HDX: variants seen among roughly 807,000 people sequenced by gnomAD.
HDX encodes highly divergent homeobox.
Under a neutral mutation model 45.2 loss-of-function variants are expected in HDX, and 19 were observed. The observed-to-expected ratio is 0.42, with a 90% CI of 0.29 to 0.62. The LOEUF (loss-of-function observed/expected upper bound fraction) is 0.62, where lower values mean the gene tolerates loss of function less well. HDX is among the 20% of genes least tolerant of loss of function. The pLI, the probability that HDX is intolerant of heterozygous loss-of-function variation, is 0.20. For missense variants in HDX, 532 were observed against 493.9 expected (o/e 1.08, Z -0.73); for synonymous variants, 188 against 172.8 (o/e 1.09, Z -0.69).
intron 5 of HDX, among the ~76,000 whole-genome samples, chrX:84,369,884 T>G (rs1217862421): frequency 8.9e-6 from 1 of 112,409 alleles, no homozygotes. Context: ...TACATTCTAA[T>G]AGTTTCTGAT....
intron 5 of HDX, among the ~76,000 whole-genome samples, chrX:84,433,436 A>G (rs1416414294): frequency 8.9e-6 from 1 of 111,789 alleles, no homozygotes; most frequent in African/African-American, 3.2e-5. Flanking sequence ...CACCATTTAT[A>G]GAAGGCTTTC....
intron 5 of HDX, among the ~76,000 whole-genome samples, chrX:84,374,793 A>G (rs2147885455): frequency 9.6e-6 from 1 of 104,155 alleles, no homozygotes; most frequent in East Asian, 3.0e-4. Flanking sequence ...TAAAAACCCT[A>G]GAAGAAAACC....
chrX:84,436,989 T>C (rs1423508935), intron 5 of HDX, among the ~76,000 whole-genome samples: 2 of 111,238 alleles, frequency 1.8e-5, no homozygotes, highest in Non-Finnish European at 3.8e-5. Flanking sequence ...CTTTTGGATC[T>C]AGTAATAATT....
At chrX:84,496,725 T>C (rs1389426999) in intron 1 of HDX, among the ~76,000 whole-genome samples, 1 of 112,054 alleles carries the variant, frequency 8.9e-6, no homozygotes, top group East Asian at 2.8e-4. Flanking sequence ...AACATAGATA[T>C]TCAAAAATAA....
At chrX:84,341,283 G>C (rs12393691) in intron 7 of HDX, among the ~76,000 whole-genome samples, 3,394 of 110,733 alleles carry the variant, frequency 0.031, 142 homozygotes, top group African/African-American at 0.1. Context: ...TGACAGAAAT[G>C]GTTTAAAGGA....
chrX:84,468,159 C>T (rs928007265), intron 4 of HDX, among the ~76,000 whole-genome samples: 2 of 111,357 alleles, frequency 1.8e-5, no homozygotes, highest in African/African-American at 3.3e-5. Context: ...TGAGCCCGAC[C>T]AATTTAACCC....
intron 4 of HDX, among the ~76,000 whole-genome samples, chrX:84,462,071 G>A (rs914092337): frequency 7.1e-5 from 8 of 112,008 alleles, no homozygotes; most frequent in African/African-American, 2.3e-4. Context: ...CTGCAGGTGG[G>A]AATACAAATT....
At chrX:84,429,306 T>C (rs1413930549) in intron 5 of HDX, among the ~76,000 whole-genome samples, 4 of 110,563 alleles carry the variant, frequency 3.6e-5, no homozygotes, top group Admixed American at 2.9e-4. Context: ...AGAAATTTTG[T>C]CCCATGGAAA....
chrX:84,353,056 G>A (rs1265677511), intron 6 of HDX, among the ~76,000 whole-genome samples: 1 of 111,885 alleles, frequency 8.9e-6, no homozygotes, highest in African/African-American at 3.2e-5. Context: ...ATTATAAAAT[G>A]TACAATGATA....
chrX:84,415,327 G>C (rs775085533), intron 5 of HDX, among the ~76,000 whole-genome samples: 1 of 112,130 alleles, frequency 8.9e-6, no homozygotes, highest in South Asian at 3.7e-4. Flanking sequence ...AAGGGAAGAA[G>C]ACACTTGCCC....
intron 6 of HDX, among the ~76,000 whole-genome samples, chrX:84,351,887 T>C (rs754569700): frequency 5.5e-4 from 62 of 112,292 alleles, no homozygotes; most frequent in African/African-American, 1.8e-3. Context: ...GAAACCAGTT[T>C]TATTCCCACG....
At position 84,485,290 on chromosome X, in the gene HDX, C is replaced by A. The variant is rs375368339; in HGVS notation, c.-1+2734G>T. On this transcript the variant is annotated intron_variant, in intron 2 of 10. Transcript: ENST00000373177. ...ATAGTATTTTTCAGGTTTTCTATAT[C>A]CTTATTGACTTCCTCACAACTTTTT... 3.8e-4 allele frequency among the ~76,000 whole-genome samples: 43 copies of A among 111,734 alleles called. No homozygotes were observed. The East Asian group carries it at 0.012, about 31-fold the overall frequency.
At chrX:84,433,578 G>A (rs2039552874) in intron 5 of HDX, among the ~76,000 whole-genome samples, 1 of 111,551 alleles carries the variant, frequency 9.0e-6, no homozygotes, top group South Asian at 3.7e-4. Context: ...ATACTTTTGT[G>A]GTGACTACAG....
At chrX:84,375,131 G>A (rs1200113049) in intron 5 of HDX, among the ~76,000 whole-genome samples, 2 of 102,222 alleles carry the variant, frequency 2.0e-5, no homozygotes, top group East Asian at 3.0e-4. Context: ...GCAGCCAAAA[G>A]ACACATGAAA....
chrX:84,468,606 A>T lies in HDX; in HGVS notation c.1117T>A (p.Leu373Met). The change falls in exon 4 of 11, where the codon TTG becomes ATG. Residue 373 changes from leucine to methionine, a missense_variant. Transcript: ENST00000373177. ...GTATGTAATGAGGTCCGTGGTGTCAAATGGTAGTTTCTGTTTTGATACAGT... is the reference window on the plus strand; with the variant it reads ...GTATGTAATGAGGTCCGTGGTGTCATATGGTAGTTTCTGTTTTGATACAGT... ...NVLYQNRNYH[L>M]TPRTSLHTAS... The T allele has an allele frequency of 8.3e-7, 1 of 1,206,682 alleles. No individual in the cohort carries two copies. Among genetic ancestry groups the T allele is most frequent in the Non-Finnish European group, 1.1e-6 (1 of 890,788 alleles).
intron 2 of HDX, among the ~76,000 whole-genome samples, chrX:84,487,648 C>G (rs1422019676): frequency 4.5e-5 from 5 of 111,867 alleles, no homozygotes; most frequent in African/African-American, 1.6e-4. Context: ...TGAGCTTAAG[C>G]TTTCCACAGG....
At chrX:84,340,264 T>TA (rs1298025336) in intron 7 of HDX, among the ~76,000 whole-genome samples, 4 of 111,260 alleles carry the variant, frequency 3.6e-5, no homozygotes, top group African/African-American at 9.8e-5. Context: ...TACTGAATTT[T>TA]AAAAAAATCT....
chrX:84,385,011 C>G (rs2038276172), intron 5 of HDX, among the ~76,000 whole-genome samples: 1 of 109,270 alleles, frequency 9.2e-6, no homozygotes, highest in South Asian at 3.9e-4. Context: ...GCTATTTAGG[C>G]TTGTTTTGGT....
chrX:84,392,702 T>C (rs1300558890), intron 5 of HDX, among the ~76,000 whole-genome samples: 1 of 110,750 alleles, frequency 9.0e-6, no homozygotes, highest in Non-Finnish European at 1.9e-5. Context: ...CTCTTTATTT[T>C]TTTCTTGGCT....
Sources: gnomAD v4.1 joint callset for allele counts (sites outside exome capture counted in the v4.1 genomes callset) on GRCh38, gnomAD v4.1.1 for gene constraint, MANE v1.5 for transcripts, NCBI Gene and HGNC (gene_info 2026-07-23, HGNC 2026-07-21) for gene names.